The following THSD7B variants were observed in gnomAD, a reference collection of about 807,000 sequenced individuals.
THSD7B encodes the protein thrombospondin type-1 domain-containing protein 7B.
A neutral mutation model predicts 213.6 loss-of-function variants in THSD7B; 138 were observed. The observed-to-expected ratio is 0.65, with a 90% CI of 0.56 to 0.74. The LOEUF is 0.74. Among genes scored for constraint, THSD7B ranks in the 30% least tolerant of loss-of-function variants. THSD7B has a pLI of 0.00. For missense variants in THSD7B, 1,931 were observed against 1,991.5 expected, an observed-to-expected ratio of 0.97 and a Z score of 0.58; for synonymous variants, 742 against 687.0, an observed-to-expected ratio of 1.08 and a Z score of -1.25.
At chr2:137,673,014 T>TAATGC (rs1321750161) in intron 27 of THSD7B, among the ~76,000 whole-genome samples, 1 of 152,226 alleles carries the variant, frequency 6.6e-6, no homozygotes, top group Non-Finnish European at 1.5e-5. Context: ...CACAGTTCTG[T>TAATGC]AATGCATTCT....
At chr2:137,213,900 A>G (rs1681176678) in intron 7 of THSD7B, among the ~76,000 whole-genome samples, 1 of 152,116 alleles carries the variant, frequency 6.6e-6, no homozygotes, top group Admixed American at 6.6e-5. Flanking sequence ...CCCCATAATG[A>G]TATGACTCTC....
At chr2:137,128,981 T>C (rs555000710) in intron 5 of THSD7B, among the ~76,000 whole-genome samples, 12 of 152,290 alleles carry the variant, frequency 7.9e-5, no homozygotes, top group Admixed American at 5.2e-4. Context: ...CTCTAATTGA[T>C]TTTTTATAGC....
chr2:137,441,024 T>C (rs916631624), intron 14 of THSD7B, among the ~76,000 whole-genome samples: 2 of 152,156 alleles, frequency 1.3e-5, no homozygotes, highest in African/African-American at 4.8e-5. Flanking sequence ...TTGGTCATTT[T>C]GAAGGTAGTT....
intron 1 of THSD7B, among the ~76,000 whole-genome samples, chr2:136,816,486 G>A (rs2104934223): frequency 6.6e-6 from 1 of 152,240 alleles, no homozygotes; most frequent in East Asian, 1.9e-4. Context: ...GGGTTCCATT[G>A]CATGAATGAG....
intron 7 of THSD7B, among the ~76,000 whole-genome samples, chr2:137,206,716 A>C (rs1240486039): frequency 6.6e-6 from 1 of 152,050 alleles, no homozygotes; most frequent in Non-Finnish European, 1.5e-5. Context: ...GTTTTGTGGT[A>C]ATGTATCTGA....
At chr2:136,908,618 G>T (rs1478877087) in intron 2 of THSD7B, among the ~76,000 whole-genome samples, 1 of 152,154 alleles carries the variant, frequency 6.6e-6, no homozygotes, top group African/African-American at 2.4e-5. Flanking sequence ...GATTGAGTTT[G>T]CACATATTTA....
chr2:137,655,240 T>G (rs1182434668), intron 21 of THSD7B, among the ~76,000 whole-genome samples: 1 of 152,218 alleles, frequency 6.6e-6, no homozygotes, highest in Non-Finnish European at 1.5e-5. Flanking sequence ...TTAGTCAATC[T>G]TGGCTGAGTT....
intron 8 of THSD7B, among the ~76,000 whole-genome samples, chr2:137,231,658 C>T (rs2105055041): frequency 6.6e-6 from 1 of 152,318 alleles, no homozygotes; most frequent in East Asian, 1.9e-4. Flanking sequence ...CTGCCACTAA[C>T]ATCTGCAAAC....
chr2:137,392,171 T>C (rs1375604326), intron 12 of THSD7B, among the ~76,000 whole-genome samples: 2 of 152,212 alleles, frequency 1.3e-5, no homozygotes, highest in African/African-American at 4.8e-5. Flanking sequence ...TACAATGTGG[T>C]CTGTCCTAGA....
At chr2:137,301,140 C>T (rs1285931323) in intron 12 of THSD7B, among the ~76,000 whole-genome samples, 1 of 152,126 alleles carries the variant, frequency 6.6e-6, no homozygotes, top group African/African-American at 2.4e-5. Context: ...CTACCCAGCA[C>T]TGCATCACAG....
At chr2:137,387,123 A>G (rs1364684029) in intron 12 of THSD7B, among the ~76,000 whole-genome samples, 1 of 152,204 alleles carries the variant, frequency 6.6e-6, no homozygotes, top group African/African-American at 2.4e-5. Flanking sequence ...AAAAAGATGA[A>G]GTAGCTGAAC....
chr2:137,058,764 T>A (rs769720193), intron 3 of THSD7B, among the ~76,000 whole-genome samples: 2 of 152,262 alleles, frequency 1.3e-5, no homozygotes, highest in Non-Finnish European at 2.9e-5. Flanking sequence ...TTCTCATAGA[T>A]GGGATTAGTG....
At chr2:137,467,852 A>C (rs1688023226) in intron 15 of THSD7B, among the ~76,000 whole-genome samples, 1 of 152,156 alleles carries the variant, frequency 6.6e-6, no homozygotes. Context: ...TTCATGCCTC[A>C]CTCAAATGAT....
chr2:136,774,133 T>C (rs1023089672), intron 1 of THSD7B, among the ~76,000 whole-genome samples: 1 of 152,048 alleles, frequency 6.6e-6, no homozygotes, highest in African/African-American at 2.4e-5. Context: ...TCTTTTTTTA[T>C]TTTGATTAGT....
chr2:137,549,530 TTCTGATAAGGACACTTAGCATGAAATCC>T, intron 15 of THSD7B, among the ~76,000 whole-genome samples: 1 of 152,082 alleles, frequency 6.6e-6, no homozygotes, highest in Non-Finnish European at 1.5e-5. Context: ...AAAAATATTA[TTCTGATAAGGACACTTAGCATGAAATCC>T]TCTTAACAGA....
At chr2:137,113,009 TCATCTGTAC>T (rs1439411465) in intron 4 of THSD7B, among the ~76,000 whole-genome samples, 3 of 152,188 alleles carry the variant, frequency 2.0e-5, no homozygotes, top group Admixed American at 1.3e-4. Context: ...AGCATACTTG[TCATCTGTAC>T]CACACTACCC....
intron 3 of THSD7B, among the ~76,000 whole-genome samples, chr2:137,085,757 A>T (rs1468805068): frequency 6.6e-6 from 1 of 152,184 alleles, no homozygotes; most frequent in Admixed American, 6.5e-5. Context: ...ATGAAAAAAT[A>T]TGCGAGCATA....
chr2:137,570,880 A>G (rs34151097), intron 16 of THSD7B, among the ~76,000 whole-genome samples: 36,449 of 152,204 alleles, frequency 0.24, 4,564 homozygotes, highest in South Asian at 0.35. Flanking sequence ...TCACTGACAA[A>G]TAACAACTTT....
At chr2:136,824,418 T>C (rs1201729971) in intron 1 of THSD7B, among the ~76,000 whole-genome samples, 1 of 152,082 alleles carries the variant, frequency 6.6e-6, no homozygotes, top group Non-Finnish European at 1.5e-5. Context: ...TTCTAATATG[T>C]TAGCTAGGAA....
Sources: gnomAD v4.1 joint callset for allele counts (sites outside exome capture counted in the v4.1 genomes callset) on GRCh38, gnomAD v4.1.1 for gene constraint, MANE v1.5 for transcripts, NCBI Gene and HGNC (gene_info 2026-07-23, HGNC 2026-07-21) for gene names.